The following ZNF142 variants were observed in gnomAD, a reference collection of about 807,000 sequenced individuals.
ZNF142 encodes the protein zinc finger protein 142 (clone pHZ-49).
Under a neutral mutation model 132.1 loss-of-function variants are expected in ZNF142, and 96 were observed. The observed-to-expected ratio is 0.73, with a 90% CI of 0.62 to 0.86. The LOEUF is 0.86. ZNF142 is among the 40% of genes least tolerant of loss of function. The pLI, the probability that ZNF142 is intolerant of heterozygous loss-of-function variation, is 0.00. For synonymous variants in ZNF142, 842 were observed against 890.1 expected (o/e 0.95, Z 0.96); for missense variants, 2,163 against 2,336.2 (o/e 0.93, Z 1.53).
In ZNF142 at chr2:218,643,291, G is replaced by A; in HGVS notation, c.3825C>T (p.Asp1275=). 7.4e-6 allele frequency: 12 copies of A among 1,614,210 alleles called. 1 individual carries two copies. The highest frequency in any genetic ancestry group is 1.0e-5 in the Non-Finnish European group (12 of 1,180,036). The change falls in exon 9 of 11, where the codon GAC becomes GAT. Residue 1275 remains aspartate, a synonymous_variant. Transcript: ENST00000411696. ...TACTCCCATTCTTCGGGGGAGCAGA[G>A]TCCCCATTGCTCAACGGGGACACAT... ...QPDVSPLSNG[D]SAPPKNGSTE...
In ZNF142 at chr2:218,652,277, C is replaced by T; in HGVS notation, c.304G>A (p.Val102Met). 1 of 457,078 alleles carries T rather than the reference C, an allele frequency of 2.2e-6. No homozygotes were observed. The highest frequency in any genetic ancestry group is 4.4e-6 in the Non-Finnish European group (1 of 227,050). The allele number at this position is 457,078 out of a possible 1,614,324, so 28.3% of individuals were successfully genotyped here. The stretch of plus-strand genomic sequence containing the variant: ...TGTTCACAGCGCTCACAGAAGTACA[C>T]CTCCACCACCTTTACCAGGACACCT... ...TPGVLVKVVEVYFCERCEQSF... is the reference protein window; with the variant it reads ...TPGVLVKVVEMYFCERCEQSF... Residue 102 changes from valine to methionine, a missense_variant, in exon 5 of 11, where the codon GTG becomes ATG. Physicochemically the swap from Val to Met is conservative, Grantham distance 21. This residue lies in a region of ZNF142 where 195 missense variants were observed against 172.4 expected (regional missense o/e 1.13). Coordinates refer to ENST00000411696, the MANE Select transcript of ZNF142 (RefSeq NM_001379659.1).
Position 218,652,000 on chromosome 2 carries a change from GAGA to G in ZNF142, c.578_580del (p.Phe193del), listed in dbSNP as rs1296563597. On this transcript the variant is annotated inframe_deletion, in exon 5 of 11. Coordinates refer to ENST00000411696, the MANE Select transcript of ZNF142 (RefSeq NM_001379659.1). Reference sequence around the variant, plus strand: ...GAACACACAGCCAGATTCTGGGCAGGAGAAGGTGTCAGGAGTGCCCCGGTGAAT... The same window carrying G: ...GAACACACAGCCAGATTCTGGGCAGGAGGTGTCAGGAGTGCCCCGGTGAAT... 1 of 706,602 alleles carries G rather than the reference GAGA, an allele frequency of 1.4e-6. No individual in the cohort carries two copies. The allele number at this position is 706,602 out of a possible 1,614,324, so 43.8% of individuals were successfully genotyped here. A position where few individuals can be genotyped will look rare whatever the true frequency, so the allele number is the denominator to read the frequency against.
At chr2:218,646,059 G>A in intron 8 of ZNF142, 112 bp downstream of exon 8, 1 of 1,432,784 alleles carries the variant, frequency 7.0e-7, no homozygotes, top group Non-Finnish European at 9.6e-7. Flanking sequence ...GGCCTTAGGA[G>A]GAGACTCTCC....
chr2:218,648,113 C>T (rs1559297869), intron 7 of ZNF142, among the ~76,000 whole-genome samples: 1 of 147,062 alleles, frequency 6.8e-6, no homozygotes, highest in Non-Finnish European at 1.5e-5. Context: ...TTGGTTGTTA[C>T]CTAAAGCATC....
rs370825154 is a variant in ZNF142, at chr2:218,650,467, C to T, written c.940G>A (p.Gly314Arg). 25 of 1,613,654 alleles carry T rather than the reference C, an allele frequency of 1.5e-5. No individual in the cohort carries two copies. Among genetic ancestry groups the T allele is most frequent in the South Asian group, 1.1e-4 (10 of 91,026 alleles). Reference protein sequence around the residue: ...PSQEAGTPLPGQETAEEENVE... With the variant: ...PSQEAGTPLPRQETAEEENVE... ...TTCTCCTCTTCAGCTGTCTCCTGCC[C>T]AGGCAAGGGTGTACCTGCTTCCTGT... The change falls in exon 6 of 11, where the codon GGG (glycine) becomes AGG (arginine). Residue 314 changes from glycine (G) to arginine (R), a missense_variant. Gly to Arg is a moderately radical substitution (Grantham distance 125, BLOSUM62 -2). This residue lies in a region of ZNF142 where 749 missense variants were observed against 830.3 expected (regional missense o/e 0.90). Coordinates refer to ENST00000411696, the MANE Select transcript of ZNF142 (RefSeq NM_001379659.1).
At chr2:218,655,687 G>A (rs1938419176) in intron 4 of ZNF142, among the ~76,000 whole-genome samples, 1 of 152,140 alleles carries the variant, frequency 6.6e-6, no homozygotes, top group Admixed American at 6.5e-5. Context: ...TGCCTCGGAT[G>A]AGTAAAGTAT....
Position 218,656,170 on chromosome 2 carries a change from C to G in ZNF142, c.260G>C (p.Gly87Ala), listed in dbSNP as rs1333389106. The change falls in exon 4 of 11, where the codon GGT (glycine) becomes GCT (alanine). Residue 87 changes from glycine (G) to alanine (A), a missense_variant. Gly to Ala is a moderately conservative substitution (Grantham distance 60). Around this residue, in one of 7 missense-constraint regions of ZNF142, gnomAD observed 195 missense variants for 172.4 expected, o/e 1.13. Coordinates refer to ENST00000411696, the MANE Select transcript of ZNF142 (RefSeq NM_001379659.1). ...VETVAGTLTP[G>A]APGETPGVLV... ...TGTACCTGGGGTCTCTCCAGGAGCA[C>G]CTGGGGTCAGGGTTCCAGCTACTGT... The G allele has an allele frequency of 1.9e-6, 3 of 1,599,806 alleles. No individual in the cohort carries two copies.
chr2:218,634,227 G>A lies in ZNF142; in HGVS notation c.*4112C>T. 1.2e-6 allele frequency: 2 copies of A among 1,605,582 alleles called. No individual in the cohort carries two copies. The highest frequency in any genetic ancestry group is 4.5e-5 in the East Asian group (2 of 44,646). On this transcript the variant is annotated 3_prime_UTR_variant, in exon 11 of 11. Transcript: ENST00000411696. The surrounding 1 kb of genome is among the most constrained non-coding windows in gnomAD (Gnocchi z 4.0). Reference sequence around the variant, plus strand: ...GAATGCAGGCTGCCAGATGGGTGAGGAGGCAGCAGGGACTGGGAAGAGGGA... The same window carrying A: ...GAATGCAGGCTGCCAGATGGGTGAGAAGGCAGCAGGGACTGGGAAGAGGGA...
Position 218,644,535 on chromosome 2 carries a change from C to T in ZNF142, c.2581G>A (p.Glu861Lys). 1 of 1,614,060 alleles carries T rather than the reference C, an allele frequency of 6.2e-7. No homozygotes were observed. The highest frequency in any genetic ancestry group is 8.5e-7 in the Non-Finnish European group (1 of 1,180,034). ...SLDQALPEMS[E>K]EVNTGRQEGS... is the part of the protein sequence containing the mutation. ...TCCTGTCTTCCAGTGTTGACCTCCT[C>T]ACTCATCTCTGGCAGGGCCTGGTCC... Residue 861 changes from glutamate to lysine, a missense_variant, in exon 9 of 11, where the codon GAG (glutamate) becomes AAG (lysine). Transcript: ENST00000411696. The surrounding 1 kb of genome is among the most constrained non-coding windows in gnomAD (Gnocchi z 4.6).
Position 218,642,173 on chromosome 2 carries a change from C to T in ZNF142, c.4943G>A (p.Gly1648Asp), listed in dbSNP as rs775858349. The change falls in exon 9 of 11, where the codon GGC (glycine) becomes GAC (aspartate). Residue 1648 changes from glycine (G) to aspartate (D), a missense_variant. Transcript: ENST00000411696. The surrounding 1 kb of genome is among the most constrained non-coding windows in gnomAD (Gnocchi z 4.6). The part of the protein sequence containing the change: ...VLDHHVKGHG[G>D]TRLYKCTDCA... ...ATCGGTGCACTTGTAGAGACGAGTG[C>T]CCCCATGCCCTTTCACATGGTGATC... The T allele has an allele frequency of 1.2e-6, 2 of 1,614,174 alleles. No individual in the cohort carries two copies. Among genetic ancestry groups the T allele is most frequent in the Admixed American group, 1.7e-5 (1 of 60,024 alleles).
chr2:218,650,420 ACTCTT>A lies in ZNF142; in HGVS notation c.982_986del (p.Lys328Ter). 1 of 1,613,742 alleles carries A rather than the reference ACTCTT, an allele frequency of 6.2e-7. No homozygotes were observed. Among genetic ancestry groups the A allele is most frequent in the Non-Finnish European group, 8.5e-7 (1 of 1,179,904 alleles). On this transcript the variant is annotated frameshift_variant, in exon 6 of 11. Transcript: ENST00000411696. LOFTEE classifies it high-confidence loss of function. Reference sequence around the variant, plus strand: ...CCTTTTGGGAGTCCTTCTGGGTGTCACTCTTCTCTTCTTTCTCTACATTCTCCTCT... The same window carrying A: ...CCTTTTGGGAGTCCTTCTGGGTGTCACTCTTCTTTCTCTACATTCTCCTCT...
Position 218,649,007 on chromosome 2 carries a change from T to C in ZNF142, c.1501A>G (p.Lys501Glu), listed in dbSNP as rs762028959. The C allele has an allele frequency of 1.2e-5, 19 of 1,612,182 alleles. No homozygotes were observed. The East Asian group carries it at 3.6e-4, about 30-fold the overall frequency. The part of the protein sequence containing the change: ...EGCSYAAPDR[K>E]AFIKHLKETH... The stretch of plus-strand genomic sequence containing the variant: ...TCCTTCAGGTGCTTAATGAAGGCCT[T>C]GCGGTCGGGTGCTGCATAGCTGCAG... Residue 501 changes from lysine (K) to glutamate (E), a missense_variant, in exon 7 of 11, where the codon AAG (lysine) becomes GAG (glutamate). By Grantham distance (56) the Lys-to-Glu change is moderately conservative. Coordinates refer to ENST00000411696, the MANE Select transcript of ZNF142 (RefSeq NM_001379659.1).
Position 218,638,589 on chromosome 2 carries a change from G to C in ZNF142, c.5414C>G (p.Ala1805Gly). ...GAGGGCATGATGGCGCAGGCCAGCA[G>C]CCCAGCGGAAAGCACGGTGGCACAC... ...CNVCHRAFRW[A>G]AGLRHHALTH... Residue 1805 changes from alanine (A) to glycine (G), a missense_variant, in exon 11 of 11, where the codon GCT becomes GGT. Physicochemically the swap from Ala to Gly is moderately conservative, Grantham distance 60 (BLOSUM62 0). This residue lies in a region of ZNF142 where 325 missense variants were observed against 367.8 expected (regional missense o/e 0.88). Coordinates refer to ENST00000411696, the MANE Select transcript of ZNF142 (RefSeq NM_001379659.1). The C allele has an allele frequency of 6.2e-7, 1 of 1,612,972 alleles. No individual in the cohort carries two copies. The highest frequency in any genetic ancestry group is 8.5e-7 in the Non-Finnish European group (1 of 1,179,046).
At chr2:218,655,198 C>T (rs529769815) in intron 4 of ZNF142, among the ~76,000 whole-genome samples, 1 of 152,282 alleles carries the variant, frequency 6.6e-6, no homozygotes, top group South Asian at 2.1e-4. Context: ...TTAACTCTTT[C>T]TTACATATTG....
At position 218,636,008 on chromosome 2, in the gene ZNF142, A is replaced by G; in HGVS notation, c.*2331T>C. 1.3e-6 allele frequency: 2 copies of G among 1,598,756 alleles called. No homozygotes were observed. The highest frequency in any genetic ancestry group is 1.1e-5 in the South Asian group (1 of 89,182). ...CCTTCTAGTCTGTCTTCCATTAAGT[A>G]TAGCATCTGTTATTGCATGTCCCCA... On this transcript the variant is annotated 3_prime_UTR_variant, in exon 11 of 11. Transcript: ENST00000411696.
intron 7 of ZNF142, among the ~76,000 whole-genome samples, chr2:218,647,422 C>CAAAAAAA (rs35920609): frequency 5.2e-5 from 2 of 38,650 alleles, no homozygotes; most frequent in African/African-American, 9.0e-5. Context: ...GACTCCATCT[C>CAAAAAAA]AAAAAAAAAA....
In ZNF142 at chr2:218,649,241, G is replaced by C. The variant is rs769697674; in HGVS notation, c.1267C>G (p.Leu423Val). Residue 423 changes from leucine to valine, a missense_variant, in exon 7 of 11, where the codon CTG becomes GTG. Leu to Val is a conservative substitution (Grantham distance 32, BLOSUM62 1). This residue lies in a region of ZNF142 where 749 missense variants were observed against 830.3 expected (regional missense o/e 0.90). Transcript: ENST00000411696. ...ELGEKAHHCP[L>V]CHYSAVERNA... ...CTCTCCACCGCACTGTAGTGGCACA[G>C]TGGGCAGTGGTGGGCCTTTTCACCC... 1.2e-6 allele frequency: 2 copies of C among 1,614,268 alleles called. No homozygotes were observed. Among genetic ancestry groups the C allele is most frequent in the Non-Finnish European group, 1.7e-6 (2 of 1,180,042 alleles).
intron 3 of ZNF142, among the ~76,000 whole-genome samples, chr2:218,657,034 T>C (rs1938578373): frequency 6.6e-6 from 1 of 152,134 alleles, no homozygotes; most frequent in South Asian, 2.1e-4. Flanking sequence ...GCCAGGCTGG[T>C]CTCGAACTTC....
At chr2:218,652,421 T>C (rs935121778) in intron 4 of ZNF142, 121 bp from the exon 5 acceptor site, 6 of 406,128 alleles carry the variant, frequency 1.5e-5, no homozygotes, top group African/African-American at 1.2e-4. Context: ...AGATGGACTT[T>C]AAGTCTGGTC....
Sources: allele counts gnomAD v4.1 joint callset (sites outside exome capture counted in the v4.1 genomes callset), GRCh38; gene constraint gnomAD v4.1.1; regional missense constraint gnomAD v4.1.1; non-coding constraint Gnocchi (gnomAD v3.1); transcripts MANE v1.5; gene names NCBI Gene and HGNC (gene_info 2026-07-23, HGNC 2026-07-21).